UGT1A7: variants seen among roughly 807,000 people sequenced by gnomAD.
UGT1A7 encodes the protein UDP-glucuronosyltransferase 1A7.
A neutral mutation model predicts 45.6 loss-of-function variants in UGT1A7; 33 were observed. The observed-to-expected ratio is 0.72, with a 90% CI of 0.55 to 0.97. The LOEUF (loss-of-function observed/expected upper bound fraction) is 0.97, where lower values mean the gene tolerates loss of function less well. Among genes scored for constraint, UGT1A7 ranks in the 50% least tolerant of loss-of-function variants. The probability of loss-of-function intolerance (pLI) is 0.00; values close to 1 mark genes in which losing one functional copy is unlikely to be tolerated. For missense variants in UGT1A7, 684 were observed against 666.2 expected (o/e 1.03, Z -0.29); for synonymous variants, 274 against 250.6 (o/e 1.09, Z -0.88).
At chr2:233,718,630 C>G (rs2076669479) in intron 1 of UGT1A7, 1 of 1,443,994 alleles carries the variant, frequency 6.9e-7, no homozygotes, top group Non-Finnish European at 9.3e-7. Flanking sequence ...ATTGGTCTTT[C>G]CCAGGGTTGG....
intron 1 of UGT1A7, among the ~76,000 whole-genome samples, chr2:233,751,321 C>T (rs551289281): frequency 6.6e-6 from 1 of 152,014 alleles, no homozygotes; most frequent in East Asian, 1.9e-4. Flanking sequence ...TTTCTGTACC[C>T]CCATTGTGTC....
chr2:233,710,549 C>T (rs2076136542), intron 1 of UGT1A7, among the ~76,000 whole-genome samples: 1 of 152,072 alleles, frequency 6.6e-6, no homozygotes. Flanking sequence ...GATCATATGC[C>T]TGTTTTCTTT....
chr2:233,704,256 CTTTTTTT>C (rs59925871), intron 1 of UGT1A7, among the ~76,000 whole-genome samples: 3 of 123,680 alleles, frequency 2.4e-5, no homozygotes, highest in African/African-American at 9.8e-5. Context: ...GCCTTTATTG[CTTTTTTT>C]TTTTTTTTGC....
Position 233,747,153 on chromosome 2 carries a change from A to G in UGT1A7, c.856-19881A>G, listed in dbSNP as rs1559391866. The G allele has an allele frequency of 3.2e-6, 5 of 1,578,556 alleles. No individual in the cohort carries two copies. The East Asian group carries it at 9.0e-5, about 28-fold the overall frequency. On this transcript the variant is annotated intron_variant, in intron 1 of 4. Transcript: ENST00000373426. Reference sequence around the variant, plus strand: ...CAGTGACAAGGTAATTAAGATGAAGAAAACAAATGTAGGAGGCACAGCGTG... The same window carrying G: ...CAGTGACAAGGTAATTAAGATGAAGGAAACAAATGTAGGAGGCACAGCGTG...
At chr2:233,684,119 C>G (rs2074663722) in intron 1 of UGT1A7, among the ~76,000 whole-genome samples, 1 of 152,158 alleles carries the variant, frequency 6.6e-6, no homozygotes, top group Non-Finnish European at 1.5e-5. Context: ...GTTCTGGCTT[C>G]TTACAAAGTT....
intron 1 of UGT1A7, among the ~76,000 whole-genome samples, chr2:233,686,765 A>G (rs926111347): frequency 6.6e-6 from 1 of 151,996 alleles, no homozygotes; most frequent in Non-Finnish European, 1.5e-5. Flanking sequence ...GCTTTATTTT[A>G]TGCAACACTC....
At chr2:233,719,565 G>T in intron 1 of UGT1A7, 1 of 1,613,918 alleles carries the variant, frequency 6.2e-7, no homozygotes, top group South Asian at 1.1e-5. Context: ...GGTGGATCTT[G>T]TCAGCTATGC....
chr2:233,767,947 C>T lies in UGT1A7; in HGVS notation c.1075+11C>T, dbSNP rs61764033. On this transcript the variant is annotated intron_variant, in intron 3 of 4. Coordinates refer to ENST00000373426, the MANE Select transcript of UGT1A7 (RefSeq NM_019077.3). ...AAAACGATCTGCTTGGTATGTTGGG[C>T]GGATTGGATGTATAGGTCAAACCAG... 4.4e-5 allele frequency: 71 copies of T among 1,614,092 alleles called. No individual in the cohort carries two copies. Among genetic ancestry groups the T allele is most frequent in the Middle Eastern group, 1.6e-4 (1 of 6,062 alleles).
At chr2:233,736,915 T>A (rs1289213443) in intron 1 of UGT1A7, among the ~76,000 whole-genome samples, 1 of 152,142 alleles carries the variant, frequency 6.6e-6, no homozygotes, top group African/African-American at 2.4e-5. Context: ...GGAAGCTTCA[T>A]ACCAGAGGCG....
At chr2:233,744,071 C>T (rs17864701) in intron 1 of UGT1A7, 146,390 of 490,018 alleles carry the variant, frequency 0.3, 23,171 homozygotes, top group South Asian at 0.39. Context: ...CTATGAGCGC[C>T]TCGCATCCCA....
chr2:233,762,807 C>G (rs1458193268), intron 1 of UGT1A7, among the ~76,000 whole-genome samples: 1 of 151,450 alleles, frequency 6.6e-6, no homozygotes, highest in Non-Finnish European at 1.5e-5. Flanking sequence ...GCTATCTCAT[C>G]AAAATATTGA....
At chr2:233,747,065 G>T (rs1693553512) in intron 1 of UGT1A7, 1 of 956,080 alleles carries the variant, frequency 1.0e-6, no homozygotes, top group Admixed American at 2.9e-5. Context: ...TGGTTAATCG[G>T]TAATAATTAA....
intron 1 of UGT1A7, chr2:233,729,977 GGAA>G: frequency 1.2e-6 from 2 of 1,614,018 alleles, no homozygotes; most frequent in African/African-American, 2.7e-5. Flanking sequence ...TGTGCCAACA[GGAA>G]GCCACTATCT....
rs191241107 is a variant in UGT1A7, at chr2:233,721,753, T to C, written c.855+38961T>C. The C allele has an allele frequency of 4.9e-4, 222 of 457,372 alleles. 1 individual carries two copies. The highest frequency in any genetic ancestry group is 3.1e-3 in the Admixed American group (134 of 43,562). The allele number at this position is 457,372 out of a possible 1,614,324, so 28.3% of individuals were successfully genotyped here. A position where few individuals can be genotyped will look rare whatever the true frequency, so the allele number is the denominator to read the frequency against. ...AAGCTTAATGATGAGAGAATCTACATCTAAATTGTTATATTTAGCATTATT... is the reference window on the plus strand; with the variant it reads ...AAGCTTAATGATGAGAGAATCTACACCTAAATTGTTATATTTAGCATTATT... On this transcript the variant is annotated intron_variant, in intron 1 of 4. Transcript: ENST00000373426.
Position 233,693,101 on chromosome 2 carries a change from C to T in UGT1A7, c.855+10309C>T, listed in dbSNP as rs1056441481. 6 of 1,613,966 alleles carry T rather than the reference C, an allele frequency of 3.7e-6. No homozygotes were observed. The African/African-American group carries it at 4.0e-5, about 11-fold the overall frequency. ...TGTAGGTGACAAGCTGCTGGTGGTCCCTCAGGACGGAAGCCACTGGCTTAG... is the reference window on the plus strand; with the variant it reads ...TGTAGGTGACAAGCTGCTGGTGGTCTCTCAGGACGGAAGCCACTGGCTTAG... On this transcript the variant is annotated intron_variant, in intron 1 of 4. Coordinates refer to ENST00000373426, the MANE Select transcript of UGT1A7 (RefSeq NM_019077.3).
At chr2:233,743,484 G>T (rs773869804) in intron 1 of UGT1A7, 2 of 1,367,080 alleles carry the variant, frequency 1.5e-6, no homozygotes, top group Non-Finnish European at 2.0e-6. Flanking sequence ...GAAATTCACT[G>T]AAGGCAGAGA....
intron 1 of UGT1A7, chr2:233,689,955 C>T (rs557485607): frequency 1.1e-5 from 5 of 456,466 alleles, no homozygotes; most frequent in African/African-American, 1.0e-4. Context: ...CCTTTATTTC[C>T]ATGCTTGGAG....
intron 1 of UGT1A7, among the ~76,000 whole-genome samples, chr2:233,702,149 T>C (rs1024085509): frequency 1.3e-5 from 2 of 152,210 alleles, no homozygotes; most frequent in African/African-American, 4.8e-5. Flanking sequence ...AGATACCTTA[T>C]ATCTATTATC....
intron 1 of UGT1A7, chr2:233,718,978 C>A (rs200639166): frequency 6.2e-7 from 1 of 1,614,096 alleles, no homozygotes; most frequent in Non-Finnish European, 8.5e-7. Flanking sequence ...GAGCTCCATG[C>A]CAGAGGCCAC....
Sources: gnomAD v4.1 joint callset for allele counts (sites outside exome capture counted in the v4.1 genomes callset) on GRCh38, gnomAD v4.1.1 for gene constraint, MANE v1.5 for transcripts, NCBI Gene and HGNC (gene_info 2026-07-23, HGNC 2026-07-21) for gene names.